Variants in ATP8B1 observed in about 807,000 individuals in gnomAD.
ATP8B1 encodes phospholipid-transporting ATPase IC.
In ATP8B1, 80 loss-of-function variants were observed where a neutral mutation model predicts 149.9. That is an observed-to-expected ratio of 0.53 (90% confidence interval 0.45 to 0.64). The LOEUF is 0.64. ATP8B1 is among the 30% of genes least tolerant of loss of function. ATP8B1 has a pLI of 0.00. For synonymous variants in ATP8B1, 536 were observed against 562.8 expected (o/e 0.95, Z 0.67); for missense variants, 1,247 against 1,552.6 (o/e 0.80, Z 3.31).
At chr18:57,704,435 T>A in intron 4 of ATP8B1, 120 bp downstream of exon 4, 1 of 736,832 alleles carries the variant, frequency 1.4e-6, no homozygotes, top group Non-Finnish European at 2.4e-6. Context: ...TTCCTTTATG[T>A]ACAGAACCCT....
intron 1 of ATP8B1, chr18:57,733,984 A>G (rs1241246591): frequency 6.6e-6 from 1 of 152,178 alleles, no homozygotes; most frequent in African/African-American, 2.4e-5. Context: ...CTGGGTTACA[A>G]TTGTCGACTG....
intron 8 of ATP8B1, among the ~76,000 whole-genome samples, chr18:57,696,131 G>A (rs1479888826): frequency 5.3e-5 from 8 of 152,262 alleles, no homozygotes; most frequent in Admixed American, 2.6e-4. Context: ...TAGGATTCAC[G>A]AATACTCAGG....
intron 25 of ATP8B1, 107 bp downstream of exon 25, chr18:57,652,377 A>G (rs1159740214): frequency 1.3e-6 from 2 of 1,517,802 alleles, no homozygotes; most frequent in Non-Finnish European, 1.8e-6. Flanking sequence ...ATATTTTGTA[A>G]GTGGCACAGG....
intron 2 of ATP8B1, among the ~76,000 whole-genome samples, chr18:57,719,498 C>CCT (rs571161977): frequency 7.1e-4 from 108 of 152,256 alleles, no homozygotes; most frequent in African/African-American, 2.5e-3. Flanking sequence ...AAAGGGGTGA[C>CCT]GGACGCACCT....
rs148715351 is a variant in ATP8B1 at position 57,706,557 on chromosome 18, C to T, written c.212G>A (p.Arg71His). The change falls in exon 3 of 28, where the codon CGC becomes CAC. Residue 71 changes from arginine to histidine, a missense_variant. Arg to His is a conservative substitution (Grantham distance 29, BLOSUM62 0). Transcript: ENST00000648908. The stretch of plus-strand genomic sequence containing the variant: ...AAAGTGAGGTTGTTCGTGGTACTTG[C>T]GATCGTTTGCTTTGACTTGCCATGT... The part of the protein sequence containing the change: ...ECTWQVKAND[R>H]KYHEQPHFMN... The T allele has an allele frequency of 3.0e-5, 49 of 1,613,792 alleles. No homozygotes were observed. Among genetic ancestry groups the T allele is most frequent in the Admixed American group, 1.8e-4 (11 of 59,956 alleles).
chr18:57,661,494 C>A, intron 21 of ATP8B1, 32 bp from the exon 22 acceptor site: 1 of 1,607,988 alleles, frequency 6.2e-7, no homozygotes, highest in South Asian at 1.1e-5. Context: ...AGGTTACATT[C>A]ACTTTAGTTT....
intron 22 of ATP8B1, among the ~76,000 whole-genome samples, chr18:57,655,750 G>T (rs2122592438): frequency 6.6e-6 from 1 of 152,314 alleles, no homozygotes; most frequent in East Asian, 1.9e-4. Context: ...TGTGTACACT[G>T]TGTCCTTGCC....
Position 57,687,972 on chromosome 18 carries a change from G to C in ATP8B1, c.1429+327C>G, listed in dbSNP as rs547212889. 3.0e-4 allele frequency among the ~76,000 whole-genome samples: 45 copies of C among 152,118 alleles called. 2 individuals are homozygous for C. In the South Asian group the frequency reaches 8.9e-3, roughly 30 times the overall value. On this transcript the variant is annotated intron_variant, in intron 13 of 27. Coordinates refer to ENST00000648908, the MANE Select transcript of ATP8B1 (RefSeq NM_001374385.1). ...TAATTTTTGTATTATTAGTAGAGAC[G>C]GGGTTTTGCCATGTTGGCAAGGCTG...
intron 1 of ATP8B1, among the ~76,000 whole-genome samples, chr18:57,746,051 T>C (rs1296888701): frequency 6.6e-6 from 1 of 152,186 alleles, no homozygotes; most frequent in Non-Finnish European, 1.5e-5. Flanking sequence ...TTTTACAGTA[T>C]TAACCGTGGG....
intron 22 of ATP8B1, 64 bp from the exon 23 acceptor site, chr18:57,655,481 A>G (rs955458594): frequency 2.6e-5 from 38 of 1,456,576 alleles, no homozygotes; most frequent in Non-Finnish European, 3.4e-5. Flanking sequence ...ACATCAGTTG[A>G]TAAAAATGGT....
intron 3 of ATP8B1, among the ~76,000 whole-genome samples, chr18:57,705,083 AAAG>A (rs1294405561): frequency 2.6e-5 from 4 of 152,198 alleles, no homozygotes; most frequent in Non-Finnish European, 5.9e-5. Flanking sequence ...TTAAAAAAGA[AAAG>A]AAGAAAGAAA....
intron 2 of ATP8B1, among the ~76,000 whole-genome samples, chr18:57,729,516 T>C (rs2079739034): frequency 6.6e-6 from 1 of 151,780 alleles, no homozygotes; most frequent in African/African-American, 2.4e-5. Context: ...CACCTTCCTG[T>C]TCAGATTGGT....
intron 2 of ATP8B1, among the ~76,000 whole-genome samples, chr18:57,717,723 T>TTTTGGTTTGG (rs1055717648): frequency 6.6e-6 from 1 of 151,238 alleles, no homozygotes; most frequent in Non-Finnish European, 1.5e-5. Context: ...CGGTTTTTTG[T>TTTTGGTTTGG]TTTGGTTTGG....
chr18:57,706,959 A>G (rs762245821), intron 2 of ATP8B1, among the ~76,000 whole-genome samples: 8 of 152,208 alleles, frequency 5.3e-5, no homozygotes, highest in Non-Finnish European at 1.0e-4. Context: ...AGGAAGGCAT[A>G]AGCATGCTGC....
At chr18:57,758,067 C>T (rs1242410230) in intron 1 of ATP8B1, among the ~76,000 whole-genome samples, 8 of 152,006 alleles carry the variant, frequency 5.3e-5, no homozygotes, top group South Asian at 4.2e-4. Flanking sequence ...TGGTCTTAGG[C>T]GGGAGGATCA....
At chr18:57,674,458 C>T (rs1455590731) in intron 16 of ATP8B1, among the ~76,000 whole-genome samples, 1 of 143,550 alleles carries the variant, frequency 7.0e-6, no homozygotes, top group African/African-American at 2.5e-5. Context: ...GATGTCGGCT[C>T]ACTGCAAGCT....
intron 14 of ATP8B1, among the ~76,000 whole-genome samples, chr18:57,684,600 C>T (rs141650906): frequency 4.6e-5 from 7 of 152,230 alleles, no homozygotes; most frequent in African/African-American, 1.7e-4. Flanking sequence ...ATCTGCCAAA[C>T]TTAGCCTCCC....
At chr18:57,734,242 T>A (rs1255378373) in intron 1 of ATP8B1, 1 of 152,114 alleles carries the variant, frequency 6.6e-6, no homozygotes, top group Non-Finnish European at 1.5e-5. Flanking sequence ...CAGGCTAGAG[T>A]GCAGTGGTGC....
intron 1 of ATP8B1, among the ~76,000 whole-genome samples, chr18:57,795,714 G>A (rs115022681): frequency 1.3e-5 from 2 of 152,092 alleles, no homozygotes; most frequent in Non-Finnish European, 2.9e-5. Context: ...TAGGAAGAAG[G>A]GGGTAGTTAC....
Sources: gnomAD v4.1 joint callset for allele counts (sites outside exome capture counted in the v4.1 genomes callset) on GRCh38, gnomAD v4.1.1 for gene constraint, MANE v1.5 for transcripts, NCBI Gene and HGNC (gene_info 2026-07-23, HGNC 2026-07-21) for gene names.